MYO5C: variants seen among roughly 807,000 people sequenced by gnomAD.
MYO5C encodes the protein myosin VC.
MYO5C carries 194 observed loss-of-function variants against 235.7 expected under a neutral mutation model. That is an observed-to-expected ratio of 0.82 (90% CI 0.73 to 0.93). The LOEUF (loss-of-function observed/expected upper bound fraction) is 0.93. Ranked by LOEUF, MYO5C falls within the 40% of genes least tolerant of loss-of-function variation. MYO5C has a pLI of 0.00. For missense variants in MYO5C, 2,038 were observed against 2,127.2 expected, an observed-to-expected ratio of 0.96 and a Z score of 0.82; for synonymous variants, 707 against 754.8, an observed-to-expected ratio of 0.94 and a Z score of 1.04.
chr15:52,248,604 AC>A, intron 14 of MYO5C, 95 bp downstream of exon 14: 1 of 828,022 alleles, frequency 1.2e-6, no homozygotes, highest in Non-Finnish European at 2.0e-6. Context: ...ACACACACAC[AC>A]ACTCTCTCTC....
chr15:52,236,674 T>C (rs879939915), intron 22 of MYO5C: 3 of 150,818 alleles, frequency 2.0e-5, no homozygotes, highest in Admixed American at 1.3e-4. Flanking sequence ...AGACTCCGTC[T>C]AAAAAAACAA....
Position 52,233,055 on chromosome 15 carries a change from G to A in MYO5C, c.2963-370C>T, listed in dbSNP as rs1393104949. ...AGCACTTTGGGAGGCCGAGGCGGGC[G>A]GATCACGAGGTCAGGAGATCAAGAC... On this transcript the variant is annotated intron_variant, in intron 23 of 40. Coordinates refer to ENST00000261839, the MANE Select transcript of MYO5C (RefSeq NM_018728.4). 2.9e-4 allele frequency among the ~76,000 whole-genome samples: 4 copies of A among 13,802 alleles called. 1 individual carries two copies. The highest frequency in any genetic ancestry group is 3.0e-3 in the Admixed American group (2 of 662). The allele number at this position is 13,802 out of a possible 152,430, so 9.1% of individuals were successfully genotyped here. A position where few individuals can be genotyped will look rare whatever the true frequency, so the allele number is the denominator to read the frequency against.
intron 30 of MYO5C, 49 bp downstream of exon 30, chr15:52,221,113 G>A: frequency 7.1e-7 from 1 of 1,405,676 alleles, no homozygotes; most frequent in Non-Finnish European, 1.0e-6. Flanking sequence ...TCATTTCCGG[G>A]GTACAGGAAA....
At chr15:52,201,919 TA>T (rs57001210) in intron 38 of MYO5C, among the ~76,000 whole-genome samples, 115,173 of 125,942 alleles carry the variant, frequency 0.91, 53,104 homozygotes, top group South Asian at 0.99. Context: ...GGGATAATAC[TA>T]AAAAAAAAAA....
intron 1 of MYO5C, among the ~76,000 whole-genome samples, chr15:52,288,333 C>T (rs2037319754): frequency 6.6e-6 from 1 of 152,128 alleles, no homozygotes; most frequent in Admixed American, 6.5e-5. Flanking sequence ...ATGTGCTCTC[C>T]TAACTATAAT....
At chr15:52,216,305 C>G (rs576304232) in intron 32 of MYO5C, among the ~76,000 whole-genome samples, 145 of 152,248 alleles carry the variant, frequency 9.5e-4, no homozygotes, top group African/African-American at 3.4e-3. Context: ...GCCTCAATCT[C>G]CTGGGCTCAA....
At chr15:52,214,814 A>G (rs1437493878) in intron 32 of MYO5C, 124 bp from the exon 33 acceptor site, 1 of 558,858 alleles carries the variant, frequency 1.8e-6, no homozygotes, top group Non-Finnish European at 3.0e-6. Flanking sequence ...TTTAAAGTGT[A>G]AACTCAAAGG....
intron 17 of MYO5C, 100 bp from the exon 18 acceptor site, chr15:52,245,565 G>T (rs2036320820): frequency 3.5e-6 from 3 of 847,726 alleles, no homozygotes; most frequent in South Asian, 1.4e-5. Flanking sequence ...TAGGGCGGGG[G>T]TGGTGCAATC....
rs2037122427 is a variant in MYO5C, at chr15:52,279,571, G to A, written c.242C>T (p.Pro81Leu). The A allele has an allele frequency of 6.2e-7, 1 of 1,614,078 alleles. No individual in the cohort carries two copies. The highest frequency in any genetic ancestry group is 8.5e-7 in the Non-Finnish European group (1 of 1,179,956). The change falls in exon 3 of 41, where the codon CCC (proline) becomes CTC (leucine). Residue 81 changes from proline to leucine, a missense_variant. By Grantham distance (98) the Pro-to-Leu change is moderately conservative. Transcript: ENST00000261839. Reference protein sequence around the residue: ...DLTALSYLHEPAVLHNLRIRF... With the variant: ...DLTALSYLHELAVLHNLRIRF... ...GATTCTGAGGTTGTGGAGCACCGCG[G>A]GCTCGTGAAGATAGCTGAGAGCCGT... is the stretch of plus-strand genomic sequence containing the variant.
At chr15:52,278,811 G>A in intron 4 of MYO5C, 62 bp downstream of exon 4, 1 of 1,590,360 alleles carries the variant, frequency 6.3e-7, no homozygotes, top group Non-Finnish European at 8.6e-7. Context: ...CCACTGTGAT[G>A]GTCTGGCAAA....
In MYO5C at chr15:52,295,793, C is replaced by G; in HGVS notation, c.-157G>C. 1 of 478,746 alleles carries G rather than the reference C, an allele frequency of 2.1e-6. No homozygotes were observed. The highest frequency in any genetic ancestry group is 3.5e-6 in the Non-Finnish European group (1 of 285,262). 29.7% of individuals were successfully genotyped at this position (478,746 alleles called of 1,614,324 possible). A position where few individuals can be genotyped will look rare whatever the true frequency, so the allele number is the denominator to read the frequency against. ...TCCAACGGCCTCCTGTTCCCGTTCC[C>G]GAGTTGGCGGCGAGGGGAGGGGGCA... On this transcript the variant is annotated 5_prime_UTR_variant, in exon 1 of 41. Coordinates refer to ENST00000261839, the MANE Select transcript of MYO5C (RefSeq NM_018728.4).
intron 30 of MYO5C, among the ~76,000 whole-genome samples, chr15:52,220,428 C>A (rs1384583093): frequency 6.6e-6 from 1 of 152,140 alleles, no homozygotes; most frequent in Non-Finnish European, 1.5e-5. Context: ...CCACGGCTCA[C>A]TTCAGCCATC....
Position 52,218,695 on chromosome 15 carries a change from A to G in MYO5C, c.3786-8T>C. ...TTTTGGGCTTCCAAGGCCCTGAGAA[A>G]GGGAGGGAGGAATGGCTGGTATCAG... is the stretch of plus-strand genomic sequence containing the variant. On this transcript the variant is annotated splice_polypyrimidine_tract_variant and splice_region_variant and intron_variant, in intron 31 of 40. Coordinates refer to ENST00000261839, the MANE Select transcript of MYO5C (RefSeq NM_018728.4). 6.2e-7 allele frequency: 1 copy of G among 1,613,848 alleles called. No individual in the cohort carries two copies. Among genetic ancestry groups the G allele is most frequent in the South Asian group, 1.1e-5 (1 of 91,022 alleles).
chr15:52,264,426 C>T, intron 8 of MYO5C, 130 bp from the exon 9 acceptor site: 1 of 694,038 alleles, frequency 1.4e-6, no homozygotes, highest in South Asian at 1.8e-5. Flanking sequence ...GTGAAGTGGA[C>T]CCCAGGGGCA....
Position 52,207,376 on chromosome 15 carries a change from C to T in MYO5C, c.4386+1178G>A, listed in dbSNP as rs1407940554. Among the ~76,000 whole-genome samples the T allele has an allele frequency of 3.3e-5, 5 of 152,278 alleles. No individual in the cohort carries two copies. The South Asian group carries it at 1.0e-3, about 32-fold the overall frequency. ...GTTGTAAACGGACTAGTCTGTGCCT[C>T]CTCCTGTTTTGGTATTCCTTTTAGT... On this transcript the variant is annotated intron_variant, in intron 36 of 40. Transcript: ENST00000261839.
In MYO5C at chr15:52,244,630, T is replaced by G. The variant is rs2036300290; in HGVS notation, c.2179-63A>C. The G allele has an allele frequency of 4.1e-6, 5 of 1,224,986 alleles. No homozygotes were observed. In the East Asian group the frequency reaches 1.2e-4, roughly 30 times the overall value. The allele number at this position is 1,224,986 out of a possible 1,614,324, so 75.9% of individuals were successfully genotyped here. A position where few individuals can be genotyped will look rare whatever the true frequency, so the allele number is the denominator to read the frequency against. The stretch of plus-strand genomic sequence containing the variant: ...GTCAGATTTTCTATAATACAGTATT[T>G]GGAAAAGAGCTTTAGGGATTCAAAG... On this transcript the variant is annotated intron_variant, in intron 18 of 40. Transcript: ENST00000261839.
chr15:52,210,674 A>C (rs1175255586), intron 35 of MYO5C, among the ~76,000 whole-genome samples: 1 of 152,110 alleles, frequency 6.6e-6, no homozygotes, highest in African/African-American at 2.4e-5. Flanking sequence ...TTACCAGAGA[A>C]CTCTTTTTAC....
At chr15:52,219,019 C>T (rs1408222572) in intron 31 of MYO5C, among the ~76,000 whole-genome samples, 2 of 152,292 alleles carry the variant, frequency 1.3e-5, no homozygotes, top group East Asian at 3.9e-4. Context: ...CCTTTGTGAC[C>T]AGCCTGGGGA....
intron 20 of MYO5C, 63 bp downstream of exon 20, chr15:52,241,985 G>A (rs2036235049): frequency 6.0e-6 from 9 of 1,510,690 alleles, no homozygotes; most frequent in Non-Finnish European, 7.1e-6. Flanking sequence ...CCTGGGCCCT[G>A]TTTTGTTCTC....
Sources: allele counts gnomAD v4.1 joint callset (sites outside exome capture counted in the v4.1 genomes callset), GRCh38; gene constraint gnomAD v4.1.1; transcripts MANE v1.5; gene names NCBI Gene and HGNC (gene_info 2026-07-23, HGNC 2026-07-21).